TMEM156: variants seen among roughly 807,000 people sequenced by gnomAD.
The protein encoded by TMEM156 is transmembrane protein 156.
Under a neutral mutation model 30.5 loss-of-function variants are expected in TMEM156, and 28 were observed. The observed-to-expected ratio is 0.92, with a 90% confidence interval of 0.68 to 1.26. The LOEUF is 1.26. Ranked by LOEUF, TMEM156 falls within the 50% of genes most tolerant of loss-of-function variation. The pLI is 0.00. For synonymous variants in TMEM156, 137 were observed against 119.9 expected (o/e 1.14, Z -0.93); for missense variants, 351 against 340.6 (o/e 1.03, Z -0.24).
At chr4:39,027,164 T>TA (rs559621755) in intron 1 of TMEM156, among the ~76,000 whole-genome samples, 81 of 152,262 alleles carry the variant, frequency 5.3e-4, no homozygotes, top group African/African-American at 1.8e-3. Context: ...TTTGTTAAAA[T>TA]AAAAAAATTG....
chr4:38,992,502 T>C (rs2109948253), intron 3 of TMEM156, among the ~76,000 whole-genome samples: 1 of 151,402 alleles, frequency 6.6e-6, no homozygotes, highest in South Asian at 2.1e-4. Flanking sequence ...AGATTTGTCT[T>C]TTAATCTCCT....
intron 3 of TMEM156, among the ~76,000 whole-genome samples, chr4:38,989,971 T>C (rs1356952174): frequency 6.6e-6 from 1 of 152,058 alleles, no homozygotes; most frequent in East Asian, 1.9e-4. Context: ...TTTTTTGTAT[T>C]TTTAGTAGAG....
At chr4:38,979,251 C>G (rs1723059418) in intron 5 of TMEM156, among the ~76,000 whole-genome samples, 1 of 152,208 alleles carries the variant, frequency 6.6e-6, no homozygotes, top group African/African-American at 2.4e-5. Flanking sequence ...ACCTGTGCAG[C>G]CTTGTGGGCA....
chr4:39,025,988 C>T (rs756478614), intron 1 of TMEM156, among the ~76,000 whole-genome samples: 6 of 152,178 alleles, frequency 3.9e-5, no homozygotes, highest in Admixed American at 6.6e-5. Flanking sequence ...AGTTTGCTCC[C>T]TCAACAGATA....
intron 5 of TMEM156, among the ~76,000 whole-genome samples, chr4:38,982,449 C>T (rs1468181336): frequency 2.0e-5 from 3 of 152,202 alleles, no homozygotes; most frequent in Non-Finnish European, 4.4e-5. Context: ...ACAAAGCGTA[C>T]TATGCCTTCT....
intron 1 of TMEM156, among the ~76,000 whole-genome samples, chr4:39,017,016 A>G (rs991320067): frequency 3.3e-5 from 5 of 152,020 alleles, no homozygotes; most frequent in African/African-American, 1.2e-4. Flanking sequence ...AGATCTCATG[A>G]TATTTATTCA....
In TMEM156 at chr4:39,032,247, C is replaced by G; in HGVS notation, c.67G>C (p.Glu23Gln). The G allele has an allele frequency of 6.2e-7, 1 of 1,607,372 alleles. No homozygotes were observed. Among genetic ancestry groups the G allele is most frequent in the East Asian group, 2.2e-5 (1 of 44,744 alleles). Reference sequence around the variant, plus strand: ...TCACCTTTCGGTGTCTTGAAATATTCCGGCAAAATTAAAATGAATGTGATC... The same window carrying G: ...TCACCTTTCGGTGTCTTGAAATATTGCGGCAAAATTAAAATGAATGTGATC... Reference protein sequence around the residue: ...IVITFILILPEYFKTPKERTL... With the variant: ...IVITFILILPQYFKTPKERTL... Residue 23 changes from glutamate (E) to glutamine (Q), a missense_variant, in exon 1 of 7, where the codon GAA becomes CAA. Physicochemically the swap from Glu to Gln is conservative, Grantham distance 29. Transcript: ENST00000381938.
intron 1 of TMEM156, among the ~76,000 whole-genome samples, chr4:39,022,263 A>T (rs961857358): frequency 6.6e-6 from 1 of 152,222 alleles, no homozygotes; most frequent in African/African-American, 2.4e-5. Context: ...CTCCACCCAT[A>T]GCCAAAGTGA....
chr4:39,019,632 C>T (rs770993258), intron 1 of TMEM156, among the ~76,000 whole-genome samples: 1 of 151,942 alleles, frequency 6.6e-6, no homozygotes, highest in Admixed American at 6.6e-5. Flanking sequence ...TTGCTTTAAA[C>T]TTCATATATT....
intron 1 of TMEM156, among the ~76,000 whole-genome samples, chr4:39,031,572 A>G (rs2251022): frequency 0.21 from 31,276 of 152,054 alleles, 4,359 homozygotes; most frequent in African/African-American, 0.4. Flanking sequence ...AAAGAATTCC[A>G]AAATGTAAAA....
chr4:38,979,334 G>A (rs1405707656), intron 5 of TMEM156, among the ~76,000 whole-genome samples: 1 of 152,224 alleles, frequency 6.6e-6, no homozygotes, highest in Non-Finnish European at 1.5e-5. Flanking sequence ...TTTTGGCAGT[G>A]GGGACCGACA....
intron 5 of TMEM156, chr4:38,980,788 G>T: frequency 3.9e-6 from 1 of 255,288 alleles, no homozygotes; most frequent in Non-Finnish European, 6.2e-6. Context: ...TGGGAGGGGA[G>T]CAGGTTTGTA....
At chr4:39,014,498 C>A (rs1714348963) in intron 1 of TMEM156, among the ~76,000 whole-genome samples, 1 of 152,106 alleles carries the variant, frequency 6.6e-6, no homozygotes, top group African/African-American at 2.4e-5. Context: ...GTAGTTCACA[C>A]CTGTAATCCC....
At chr4:39,025,184 A>G (rs767181359) in intron 1 of TMEM156, among the ~76,000 whole-genome samples, 10 of 151,890 alleles carry the variant, frequency 6.6e-5, no homozygotes, top group Non-Finnish European at 1.3e-4. Context: ...CCCTGTCTCT[A>G]CTAAAAATAC....
At chr4:38,974,058 CGTGTGTGTGTGT>C (rs60030815) in intron 5 of TMEM156, among the ~76,000 whole-genome samples, 3 of 149,178 alleles carry the variant, frequency 2.0e-5, no homozygotes, top group African/African-American at 7.4e-5. Flanking sequence ...GGAAGGAGTG[CGTGTGTGTGTGT>C]GTGTGTGTGT....
chr4:39,002,943 T>C lies in TMEM156; in HGVS notation c.89-4034A>G, dbSNP rs541023591. ...GATATACCTAATGCTAGATGACGAG[T>C]TAGTGGGTGCAGCGCACCAGCATGG... is the stretch of plus-strand genomic sequence containing the variant. On this transcript the variant is annotated intron_variant, in intron 1 of 6. Coordinates refer to ENST00000381938, the MANE Select transcript of TMEM156 (RefSeq NM_024943.3). 6.8e-4 allele frequency among the ~76,000 whole-genome samples: 104 copies of C among 151,966 alleles called. 1 individual carries two copies. The South Asian group carries it at 0.021, about 30-fold the overall frequency.
At chr4:39,004,415 A>G (rs1015365502) in intron 1 of TMEM156, among the ~76,000 whole-genome samples, 2 of 152,178 alleles carry the variant, frequency 1.3e-5, no homozygotes, top group African/African-American at 2.4e-5. Flanking sequence ...ACACATATAT[A>G]AAATGTATTG....
At chr4:39,024,475 C>G (rs1715075009) in intron 1 of TMEM156, among the ~76,000 whole-genome samples, 1 of 152,124 alleles carries the variant, frequency 6.6e-6, no homozygotes, top group African/African-American at 2.4e-5. Context: ...ATTATATACA[C>G]CATGGAATAC....
At chr4:38,995,358 A>T (rs910763694) in intron 2 of TMEM156, among the ~76,000 whole-genome samples, 1 of 152,186 alleles carries the variant, frequency 6.6e-6, no homozygotes, top group African/African-American at 2.4e-5. Flanking sequence ...AAACTTCACC[A>T]TTTGCTCATT....
Sources: gnomAD v4.1 joint callset for allele counts (sites outside exome capture counted in the v4.1 genomes callset) on GRCh38, gnomAD v4.1.1 for gene constraint, MANE v1.5 for transcripts, NCBI Gene and HGNC (gene_info 2026-07-23, HGNC 2026-07-21) for gene names.